The following MACROD2 variants were observed in gnomAD, a reference collection of about 807,000 sequenced individuals.
MACROD2 encodes the protein mono-ADP ribosylhydrolase 2, also known as ADP-ribose glycohydrolase MACROD2.
MACROD2 carries 36 observed loss-of-function variants against 70.4 expected under a neutral mutation model. That is an observed-to-expected ratio of 0.51 (90% CI 0.39 to 0.68). The LOEUF (loss-of-function observed/expected upper bound fraction) is 0.68, where lower values mean the gene tolerates loss of function less well. MACROD2 is among the 30% of genes least tolerant of loss of function. The probability of loss-of-function intolerance (pLI) is 0.00; values close to 1 mark genes in which losing one functional copy is unlikely to be tolerated. For synonymous variants in MACROD2, 172 were observed against 178.8 expected, an observed-to-expected ratio of 0.96 and a Z score of 0.30; for missense variants, 496 against 538.4, an observed-to-expected ratio of 0.92 and a Z score of 0.78.
intron 5 of MACROD2, chr20:14,888,665 C>T (rs2073711903): frequency 6.6e-6 from 1 of 152,192 alleles, no homozygotes. Flanking sequence ...GTGTGAGTCA[C>T]TTATCCTAAA....
At chr20:14,221,290 G>A (rs2081671529) in intron 3 of MACROD2, among the ~76,000 whole-genome samples, 1 of 152,112 alleles carries the variant, frequency 6.6e-6, no homozygotes, top group South Asian at 2.1e-4. Context: ...ACTTAAAATT[G>A]TTCCCAGCTT....
At chr20:14,620,166 C>A (rs1983747972) in intron 4 of MACROD2, among the ~76,000 whole-genome samples, 2 of 151,908 alleles carry the variant, frequency 1.3e-5, no homozygotes, top group South Asian at 4.1e-4. Context: ...TTTGAATTAG[C>A]CATTGGCCAG....
rs527765764 is a variant in MACROD2 at position 14,933,824 on chromosome 20, T to C, written c.418+248865T>C. ...GGCACTTGTCATTTATTGAAGGTAA[T>C]GGTTTACTCTGAAATTTGTACAGTG... On this transcript the variant is annotated intron_variant, in intron 5 of 17. Transcript: ENST00000684519. The C allele has an allele frequency of 3.3e-5, 5 of 152,268 alleles. No homozygotes were observed. In the East Asian group the frequency reaches 9.6e-4, roughly 29 times the overall value. The allele number at this position is 152,268 out of a possible 1,614,324, so 9.4% of individuals were successfully genotyped here.
rs59205516 is a variant in MACROD2 at position 15,978,582 on chromosome 20, G to GTCTCTCTC, written c.986-8118_986-8111dup. On this transcript the variant is annotated intron_variant, in intron 13 of 17. Transcript: ENST00000684519. ...AATAAACTTACTCGCCTGACCTTGG[G>GTCTCTCTC]TCTCTCTCTCTCTCTCTCTCTCTCT... Among the ~76,000 whole-genome samples, 795 of 146,416 alleles carry GTCTCTCTC rather than the reference G, an allele frequency of 5.4e-3. 4 individuals carry two copies. The highest frequency in any genetic ancestry group is 0.011 in the African/African-American group (432 of 39,348).
At chr20:15,053,102 C>T (rs913358946) in intron 5 of MACROD2, among the ~76,000 whole-genome samples, 5 of 152,262 alleles carry the variant, frequency 3.3e-5, no homozygotes, top group Non-Finnish European at 7.3e-5. Context: ...TAGCAGAGGT[C>T]GGTTCCTGAG....
intron 13 of MACROD2, among the ~76,000 whole-genome samples, chr20:15,978,843 C>A (rs6043647): frequency 6.6e-6 from 1 of 152,004 alleles, no homozygotes; most frequent in Non-Finnish European, 1.5e-5. Context: ...GTGGGAAAAC[C>A]GAAATATTTT....
At chr20:14,413,228 C>A (rs551478702) in intron 3 of MACROD2, among the ~76,000 whole-genome samples, 4 of 147,870 alleles carry the variant, frequency 2.7e-5, no homozygotes, top group Admixed American at 6.8e-5. Context: ...TATGTACGTG[C>A]GTGTGTACCT....
intron 8 of MACROD2, among the ~76,000 whole-genome samples, chr20:15,708,371 G>T (rs1038686602): frequency 2.0e-5 from 3 of 152,118 alleles, no homozygotes; most frequent in African/African-American, 7.2e-5. Flanking sequence ...GGAGGTCAGG[G>T]AGGGCTTGGC....
intron 5 of MACROD2, among the ~76,000 whole-genome samples, chr20:14,842,038 T>G (rs183063099): frequency 6.6e-6 from 1 of 152,160 alleles, no homozygotes; most frequent in African/African-American, 2.4e-5. Flanking sequence ...GTTTGTTTGT[T>G]TGTTTATTCA....
chr20:14,657,831 A>T (rs1202113574), intron 4 of MACROD2, among the ~76,000 whole-genome samples: 3 of 152,190 alleles, frequency 2.0e-5, no homozygotes, highest in Non-Finnish European at 4.4e-5. Context: ...TCTGCCAATA[A>T]GTAAAGCCAT....
chr20:15,169,719 T>G (rs182785115), intron 5 of MACROD2, among the ~76,000 whole-genome samples: 28 of 152,350 alleles, frequency 1.8e-4, no homozygotes, highest in Admixed American at 7.2e-4. Flanking sequence ...CTATGCACTT[T>G]TAGCAAAATT....
At chr20:15,607,829 C>T (rs754266329) in intron 8 of MACROD2, among the ~76,000 whole-genome samples, 21 of 152,066 alleles carry the variant, frequency 1.4e-4, no homozygotes, top group African/African-American at 1.4e-4. Flanking sequence ...TTACCGCGCC[C>T]GGCTGCAATA....
intron 13 of MACROD2, among the ~76,000 whole-genome samples, chr20:15,977,947 C>G (rs1601254973): frequency 6.6e-6 from 1 of 152,342 alleles, no homozygotes; most frequent in East Asian, 1.9e-4. Flanking sequence ...ACAGCACTTA[C>G]TTTCCAGAGG....
chr20:14,806,943 AG>A (rs1444175550), intron 5 of MACROD2, among the ~76,000 whole-genome samples: 1 of 152,126 alleles, frequency 6.6e-6, no homozygotes, highest in African/African-American at 2.4e-5. Context: ...AGCCCCAGCC[AG>A]GGGCTTATAG....
intron 5 of MACROD2, among the ~76,000 whole-genome samples, chr20:14,939,761 T>C (rs2074373853): frequency 6.6e-6 from 1 of 152,072 alleles, no homozygotes; most frequent in Non-Finnish European, 1.5e-5. Context: ...CCTTTTTTGG[T>C]GTTCTCTACA....
At chr20:15,146,969 G>A (rs2076234643) in intron 5 of MACROD2, among the ~76,000 whole-genome samples, 1 of 152,078 alleles carries the variant, frequency 6.6e-6, no homozygotes, top group South Asian at 2.1e-4. Flanking sequence ...ATTTTAATGT[G>A]ATTAACATTT....
intron 2 of MACROD2, among the ~76,000 whole-genome samples, chr20:14,059,481 T>G (rs1179530193): frequency 6.6e-6 from 1 of 152,128 alleles, no homozygotes; most frequent in East Asian, 1.9e-4. Flanking sequence ...ATGATGGGAA[T>G]AAGTAGGGTG....
At chr20:14,859,736 G>A (rs574399689) in intron 5 of MACROD2, among the ~76,000 whole-genome samples, 10 of 152,058 alleles carry the variant, frequency 6.6e-5, no homozygotes, top group African/African-American at 2.4e-4. Flanking sequence ...TTTTTCCAAT[G>A]CATAGTTTCA....
At chr20:14,802,765 C>T (rs1013452368) in intron 5 of MACROD2, among the ~76,000 whole-genome samples, 2 of 59,060 alleles carry the variant, frequency 3.4e-5, no homozygotes, top group Non-Finnish European at 8.7e-5. Flanking sequence ...AACAAGCACA[C>T]ACATACACAC....
Sources: gnomAD v4.1 joint callset for allele counts (sites outside exome capture counted in the v4.1 genomes callset) on GRCh38, gnomAD v4.1.1 for gene constraint, MANE v1.5 for transcripts, NCBI Gene and HGNC (gene_info 2026-07-23, HGNC 2026-07-21) for gene names.